Variants in STPG2 observed in about 807,000 individuals in gnomAD.
STPG2 encodes the protein sperm tail PG-rich repeat containing 2, also known as sperm-tail PG-rich repeat-containing protein 2.
Under a neutral mutation model 54.2 loss-of-function variants are expected in STPG2, and 56 were observed. The ratio of observed to expected loss-of-function variants is 1.03; its 90% CI spans 0.83 to 1.29. STPG2 has a LOEUF of 1.29. Among genes scored for constraint, STPG2 ranks in the 50% most tolerant of loss-of-function variants. The pLI is 0.00. For missense variants in STPG2, 596 were observed against 544.9 expected (o/e 1.09, Z -0.93); for synonymous variants, 200 against 181.8 (o/e 1.10, Z -0.81).
chr4:97,748,070 A>T (rs1725475581), intron 9 of STPG2, among the ~76,000 whole-genome samples: 1 of 151,490 alleles, frequency 6.6e-6, no homozygotes, highest in African/African-American at 2.4e-5. Flanking sequence ...AGAACTGAAA[A>T]TGAGCTGCTT....
At chr4:97,525,377 T>A (rs1025996751) in intron 4 of STPG2, among the ~76,000 whole-genome samples, 6 of 151,884 alleles carry the variant, frequency 4.0e-5, no homozygotes, top group Admixed American at 1.3e-4. Context: ...AGAGCCTACA[T>A]ACTTCGTTGA....
At chr4:97,741,314 A>G (rs1199920188) in intron 9 of STPG2, among the ~76,000 whole-genome samples, 1 of 152,214 alleles carries the variant, frequency 6.6e-6, no homozygotes, top group African/African-American at 2.4e-5. Flanking sequence ...CAAGTACTTC[A>G]TGTCTAAAAC....
chr4:97,600,000 T>C (rs1272584376), intron 10 of STPG2, among the ~76,000 whole-genome samples: 6 of 151,952 alleles, frequency 3.9e-5, no homozygotes, highest in African/African-American at 1.5e-4. Context: ...GAAAACCAAA[T>C]AGTGCATGTC....
intron 5 of STPG2, among the ~76,000 whole-genome samples, chr4:98,017,940 T>C (rs112771486): frequency 1.6e-4 from 25 of 152,294 alleles, no homozygotes; most frequent in Non-Finnish European, 2.9e-4. Context: ...CCTTCTGCCA[T>C]GATTGTAAGT....
chr4:97,963,184 C>A (rs932181525), intron 7 of STPG2, among the ~76,000 whole-genome samples: 22 of 150,506 alleles, frequency 1.5e-4, no homozygotes, highest in South Asian at 4.2e-4. Context: ...AACAAACAAA[C>A]AAAAAAACAA....
At chr4:97,911,058 G>C (rs972433572) in intron 8 of STPG2, among the ~76,000 whole-genome samples, 1 of 152,206 alleles carries the variant, frequency 6.6e-6, no homozygotes, top group Non-Finnish European at 1.5e-5. Flanking sequence ...CATGGGCAAG[G>C]GGAGCTCCCA....
chr4:97,452,950 T>C (rs1729415333), intron 4 of STPG2, among the ~76,000 whole-genome samples: 1 of 152,246 alleles, frequency 6.6e-6, no homozygotes, highest in Non-Finnish European at 1.5e-5. Context: ...TCCACTTGTC[T>C]GTGTACCTCA....
intron 10 of STPG2, among the ~76,000 whole-genome samples, chr4:97,625,384 C>T (rs1734112997): frequency 6.6e-6 from 1 of 152,160 alleles, no homozygotes; most frequent in Non-Finnish European, 1.5e-5. Flanking sequence ...AATCTCGGCC[C>T]ATGCAACCTC....
intron 9 of STPG2, among the ~76,000 whole-genome samples, chr4:97,739,338 G>A (rs1725137079): frequency 6.6e-6 from 1 of 152,084 alleles, no homozygotes; most frequent in Non-Finnish European, 1.5e-5. Context: ...TCAAAAGCTA[G>A]CAGAAGGCAA....
In STPG2 at chr4:97,972,283, A is replaced by C. The variant is rs1214399174; in HGVS notation, c.930T>G (p.Tyr310Ter). Residue 310 changes from tyrosine to a stop codon, truncating the protein, a stop_gained, in exon 7 of 11, where the codon TAT (tyrosine) becomes TAG (stop). Coordinates refer to ENST00000295268, the MANE Select transcript of STPG2 (RefSeq NM_174952.3). LOFTEE classifies it high-confidence loss of function. ...EACATPGPAD[Y>*]QEFWHSQGVG... ...TATTTTTGTATGAATGTATTACCTG[A>C]TAATCAGCAGGTCCAGGGGTAGCAC... 6.3e-7 allele frequency: 1 copy of C among 1,575,778 alleles called. No individual in the cohort carries two copies.
intron 5 of STPG2, among the ~76,000 whole-genome samples, chr4:97,993,502 C>T (rs538923536): frequency 1.3e-5 from 2 of 151,604 alleles, no homozygotes; most frequent in African/African-American, 4.8e-5. Flanking sequence ...AGGATTTTTG[C>T]ATCTGTGTTC....
intron 4 of STPG2, among the ~76,000 whole-genome samples, chr4:97,455,608 G>A (rs1229969697): frequency 6.6e-6 from 1 of 152,178 alleles, no homozygotes; most frequent in Non-Finnish European, 1.5e-5. Flanking sequence ...CCCATCTGCT[G>A]AGAACTACTT....
rs184805392 is a variant in STPG2 at position 97,721,472 on chromosome 4, C to A, written c.1205-8658G>T. On this transcript the variant is annotated intron_variant, in intron 9 of 10. Transcript: ENST00000295268. ...CAAGAAGCAAATATCAAATGGATAT[C>A]TTTTACAAACATTGAGTTAATTGTT... 4.1e-3 allele frequency among the ~76,000 whole-genome samples: 626 copies of A among 152,160 alleles called. 3 individuals are homozygous for A. Among genetic ancestry groups the A allele is most frequent in the South Asian group, 0.02 (97 of 4,830 alleles).
intron 8 of STPG2, among the ~76,000 whole-genome samples, chr4:97,869,911 T>C (rs1729925467): frequency 6.6e-6 from 1 of 151,666 alleles, no homozygotes; most frequent in African/African-American, 2.4e-5. Context: ...CATCACTGTT[T>C]GGCAGAGTCA....
chr4:97,962,643 C>G (rs1733930946), intron 7 of STPG2, among the ~76,000 whole-genome samples: 1 of 152,146 alleles, frequency 6.6e-6, no homozygotes, highest in African/African-American at 2.4e-5. Context: ...TGAGTCCTTA[C>G]TGTGTTCCAG....
chr4:97,749,974 G>GTA (rs1725534269), intron 9 of STPG2, among the ~76,000 whole-genome samples: 1 of 151,726 alleles, frequency 6.6e-6, no homozygotes, highest in African/African-American at 2.4e-5. Flanking sequence ...CCTAGGGATG[G>GTA]TACCACCATA....
intron 8 of STPG2, among the ~76,000 whole-genome samples, chr4:97,896,660 A>G (rs1730966267): frequency 6.6e-6 from 1 of 151,824 alleles, no homozygotes; most frequent in South Asian, 2.1e-4. Context: ...TGAGAGTTGA[A>G]TTATGGGACA....
chr4:97,733,929 TA>T (rs1272493911), intron 9 of STPG2, among the ~76,000 whole-genome samples: 1 of 152,234 alleles, frequency 6.6e-6, no homozygotes, highest in African/African-American at 2.4e-5. Context: ...TAGTTTTCTA[TA>T]AACAAAATCA....
intron 5 of STPG2, among the ~76,000 whole-genome samples, chr4:97,997,406 A>G (rs1469583445): frequency 6.6e-6 from 1 of 152,182 alleles, no homozygotes; most frequent in Non-Finnish European, 1.5e-5. Flanking sequence ...GGCAAAAGAA[A>G]GGAGCAAAAG....
Sources: gnomAD v4.1 joint callset for allele counts (sites outside exome capture counted in the v4.1 genomes callset) on GRCh38, gnomAD v4.1.1 for gene constraint, MANE v1.5 for transcripts, NCBI Gene and HGNC (gene_info 2026-07-23, HGNC 2026-07-21) for gene names.